OR2L13: variants seen among roughly 807,000 people sequenced by gnomAD.
The protein encoded by OR2L13 is olfactory receptor 2L13.
A neutral mutation model predicts 15.3 loss-of-function variants in OR2L13; 14 were observed. The ratio of observed to expected loss-of-function variants is 0.91; its 90% confidence interval spans 0.60 to 1.43. The LOEUF (loss-of-function observed/expected upper bound fraction) is 1.43, where lower values mean the gene tolerates loss of function less well. Ranked by LOEUF, OR2L13 falls within the 40% of genes most tolerant of loss-of-function variation. The pLI is 0.00. For synonymous variants in OR2L13, 152 were observed against 142.9 expected (o/e 1.06, Z -0.45); for missense variants, 367 against 387.9 (o/e 0.95, Z 0.45).
chr1:247,942,125 A>T, the OR2L13 span, among the ~76,000 whole-genome samples: 2 of 152,184 alleles, frequency 1.3e-5, no homozygotes, highest in African/African-American at 4.8e-5. Context: ...TCTCAAACTC[A>T]TGGGTGCAAA....
the OR2L13 span, among the ~76,000 whole-genome samples, chr1:247,998,115 T>C: frequency 4.6e-5 from 7 of 152,268 alleles, no homozygotes; most frequent in East Asian, 9.7e-4. Context: ...AAAATTTTTA[T>C]TGATCCCAGG....
At chr1:248,004,307 G>A in the OR2L13 span, among the ~76,000 whole-genome samples, 1 of 152,100 alleles carries the variant, frequency 6.6e-6, no homozygotes, top group Non-Finnish European at 1.5e-5. Flanking sequence ...CCAAAATATT[G>A]TCAATGAGAA....
At chr1:248,022,202 G>C in the OR2L13 span, 1 of 1,614,064 alleles carries the variant, frequency 6.2e-7, no homozygotes, top group Non-Finnish European at 8.5e-7. Flanking sequence ...CTGATTTTCT[G>C]TATGGAAACA....
the OR2L13 span, among the ~76,000 whole-genome samples, chr1:248,011,331 A>G: frequency 8.6e-5 from 13 of 152,024 alleles, no homozygotes; most frequent in East Asian, 1.9e-4. Flanking sequence ...GTTAATTTTG[A>G]TGGTCTTCCC....
the OR2L13 span, among the ~76,000 whole-genome samples, chr1:247,981,375 T>A: frequency 7.9e-5 from 12 of 152,170 alleles, no homozygotes; most frequent in African/African-American, 2.9e-4. Context: ...TAATATATAT[T>A]TTTTAAAATA....
At chr1:247,986,429 C>T in the OR2L13 span, among the ~76,000 whole-genome samples, 6 of 152,004 alleles carry the variant, frequency 3.9e-5, no homozygotes, top group Non-Finnish European at 8.8e-5. Context: ...TGTAGATATG[C>T]GGCATTATTT....
upstream of OR2L13, among the ~76,000 whole-genome samples, chr1:248,096,189 T>C (rs959724277): frequency 1.3e-5 from 2 of 151,768 alleles, no homozygotes; most frequent in South Asian, 2.1e-4. Context: ...CCATCCTGGC[T>C]AACACAGTGA....
At chr1:247,980,135 A>G in the OR2L13 span, among the ~76,000 whole-genome samples, 5,907 of 152,216 alleles carry the variant, frequency 0.039, 357 homozygotes, top group African/African-American at 0.13. Flanking sequence ...TACATTTAAG[A>G]TACTCTTTGG....
the OR2L13 span, chr1:247,974,912 C>T: frequency 3.7e-6 from 1 of 267,000 alleles, no homozygotes; most frequent in East Asian, 1.0e-4. Context: ...TCCACACGCC[C>T]ATTTATTTCT....
the OR2L13 span, among the ~76,000 whole-genome samples, chr1:247,995,028 A>G: frequency 6.6e-6 from 1 of 152,160 alleles, no homozygotes. Flanking sequence ...TCTACCTGGA[A>G]CTTTATGTTC....
At chr1:248,072,513 C>G in the OR2L13 span, among the ~76,000 whole-genome samples, 1 of 152,020 alleles carries the variant, frequency 6.6e-6, no homozygotes, top group Non-Finnish European at 1.5e-5. Flanking sequence ...AGACCTAAAA[C>G]CATAAAAACC....
the OR2L13 span, among the ~76,000 whole-genome samples, chr1:248,035,163 A>G: frequency 6.6e-6 from 1 of 151,368 alleles, no homozygotes; most frequent in Admixed American, 6.6e-5. Context: ...AAAAAGTGTC[A>G]CTCTTGGCCA....
At chr1:247,965,295 C>T in the OR2L13 span, 31 of 1,430,326 alleles carry the variant, frequency 2.2e-5, no homozygotes, top group Non-Finnish European at 2.8e-5. Context: ...AATGCCATGT[C>T]ATTTTACTTT....
At chr1:247,940,726 A>ATGTG in the OR2L13 span, among the ~76,000 whole-genome samples, 5 of 65,618 alleles carry the variant, frequency 7.6e-5, no homozygotes, top group Non-Finnish European at 1.2e-4. Flanking sequence ...GTGTGTGCAT[A>ATGTG]CGTGCGTGTG....
At chr1:248,052,662 T>G in the OR2L13 span, among the ~76,000 whole-genome samples, 1 of 151,940 alleles carries the variant, frequency 6.6e-6, no homozygotes, top group South Asian at 2.1e-4. Context: ...ATCTGGGAGG[T>G]GGAGCTTGTA....
chr1:248,030,550 A>G, the OR2L13 span, among the ~76,000 whole-genome samples: 3 of 152,172 alleles, frequency 2.0e-5, no homozygotes, highest in African/African-American at 7.2e-5. Flanking sequence ...CACATTCACA[A>G]TAATTATTGT....
At chr1:248,029,172 G>A in the OR2L13 span, 1 of 152,046 alleles carries the variant, frequency 6.6e-6, no homozygotes, top group Non-Finnish European at 1.5e-5. Context: ...ACCAGTTAGA[G>A]GTTTCTTGGT....
At chr1:247,963,036 T>C in the OR2L13 span, among the ~76,000 whole-genome samples, 1 of 152,150 alleles carries the variant, frequency 6.6e-6, no homozygotes, top group Non-Finnish European at 1.5e-5. Flanking sequence ...GGATGCCATG[T>C]GGGTTCTTGC....
At chr1:248,022,693 T>C in the OR2L13 span, 2 of 1,614,150 alleles carry the variant, frequency 1.2e-6, no homozygotes, top group Non-Finnish European at 1.7e-6. Context: ...GTAGTAACTT[T>C]CTACTATGCA....
Sources: gnomAD v4.1 joint callset for allele counts (sites outside exome capture counted in the v4.1 genomes callset) on GRCh38, gnomAD v4.1.1 for gene constraint, MANE v1.5 for transcripts, NCBI Gene and HGNC (gene_info 2026-07-23, HGNC 2026-07-21) for gene names.